The following PRKG1 variants were observed in gnomAD, a reference collection of about 807,000 sequenced individuals.
The protein encoded by PRKG1 is protein kinase cGMP-dependent 1.
In PRKG1, 35 loss-of-function variants were observed where a neutral mutation model predicts 88.1. The observed-to-expected ratio is 0.40, with a 90% CI of 0.30 to 0.53. The LOEUF (loss-of-function observed/expected upper bound fraction) is 0.53. PRKG1 is among the 20% of genes least tolerant of loss of function. The pLI is 0.59. For synonymous variants in PRKG1, 303 were observed against 292.5 expected (o/e 1.04, Z -0.37); for missense variants, 540 against 839.8 (o/e 0.64, Z 4.41).
chr10:51,407,581 G>A (rs1206492884), intron 2 of PRKG1, among the ~76,000 whole-genome samples: 1 of 152,194 alleles, frequency 6.6e-6, no homozygotes, highest in African/African-American at 2.4e-5. Flanking sequence ...GGATGGTATT[G>A]AGGGTTACCT....
chr10:51,425,318 A>G (rs293328), intron 2 of PRKG1, among the ~76,000 whole-genome samples: 123,650 of 152,160 alleles, frequency 0.81, 50,590 homozygotes, highest in Non-Finnish European at 0.85. Flanking sequence ...TGTGAAGAAA[A>G]TGTGTACACA....
chr10:51,385,834 A>G (rs1837235178), intron 2 of PRKG1, among the ~76,000 whole-genome samples: 1 of 152,216 alleles, frequency 6.6e-6, no homozygotes, highest in Admixed American at 6.5e-5. Flanking sequence ...AAAAGAAGCC[A>G]CAGGGATTAT....
At chr10:51,585,825 G>A (rs1838158199) in intron 3 of PRKG1, among the ~76,000 whole-genome samples, 2 of 152,150 alleles carry the variant, frequency 1.3e-5, no homozygotes, top group African/African-American at 4.8e-5. Flanking sequence ...GCAGCAACGT[G>A]AATGGAGCTG....
At chr10:51,288,939 TA>T (rs1266063562) in intron 2 of PRKG1, among the ~76,000 whole-genome samples, 2 of 152,128 alleles carry the variant, frequency 1.3e-5, no homozygotes, top group Admixed American at 6.6e-5. Flanking sequence ...GTATGATATG[TA>T]AAATTATATA....
At chr10:51,029,358 C>G (rs1355592314) in intron 1 of PRKG1, among the ~76,000 whole-genome samples, 1 of 152,184 alleles carries the variant, frequency 6.6e-6, no homozygotes, top group East Asian at 1.9e-4. Flanking sequence ...TAGAAAGAAG[C>G]TCCTCATCTT....
chr10:51,427,968 G>A (rs1838639826), intron 2 of PRKG1, among the ~76,000 whole-genome samples: 1 of 152,138 alleles, frequency 6.6e-6, no homozygotes, highest in African/African-American at 2.4e-5. Flanking sequence ...GGAATCCATG[G>A]AGTGGAACAA....
In PRKG1 at chr10:52,288,716, A is replaced by G. The variant is rs1842174694; in HGVS notation, c.1710-10A>G. 6.4e-7 allele frequency: 1 copy of G among 1,571,598 alleles called. No homozygotes were observed. Among genetic ancestry groups the G allele is most frequent in the African/African-American group, 1.4e-5 (1 of 72,304 alleles). ...AGTAATATCTCTTGTCGTGTCTCTC[A>G]TTCTTGCAGCCCACCTTTCTCAGGC... On this transcript the variant is annotated splice_polypyrimidine_tract_variant and intron_variant, in intron 14 of 17. Transcript: ENST00000373980.
intron 4 of PRKG1, among the ~76,000 whole-genome samples, chr10:51,840,517 T>TTTTATTTATTTATTTA (rs66516508): frequency 7.2e-6 from 1 of 139,804 alleles, no homozygotes. Context: ...GAACCCTCTA[T>TTTTATTTATTTATTTA]TTTATTTATT....
In PRKG1 at chr10:51,074,620, G is replaced by T. The variant is rs768867882; in HGVS notation, c.30G>T (p.Ala10=). 1.9e-5 allele frequency: 31 copies of T among 1,613,510 alleles called. No individual in the cohort carries two copies. Among genetic ancestry groups the T allele is most frequent in the Non-Finnish European group, 2.5e-5 (30 of 1,179,594 alleles). Residue 10 remains alanine, a synonymous_variant, in exon 1 of 18, where the codon GCG becomes GCT. Transcript: ENST00000373980. MGTLRDLQY[A]LQEKIEELRQ... ...GCACCTTGCGGGATTTACAGTACGCGCTCCAGGAGAAGATCGAGGAGCTGA... is the reference window on the plus strand; with the variant it reads ...GCACCTTGCGGGATTTACAGTACGCTCTCCAGGAGAAGATCGAGGAGCTGA...
intron 4 of PRKG1, among the ~76,000 whole-genome samples, chr10:51,837,242 G>A (rs1346796069): frequency 6.6e-6 from 1 of 152,072 alleles, no homozygotes; most frequent in East Asian, 1.9e-4. Context: ...GCTTTGATAT[G>A]GTAGTTAGTA....
chr10:51,284,896 C>CTTT (rs537910719), intron 2 of PRKG1, among the ~76,000 whole-genome samples: 13 of 47,856 alleles, frequency 2.7e-4, no homozygotes, highest in African/African-American at 7.9e-4. Context: ...TTAAGCTATT[C>CTTT]TTTTTTTTTT....
intron 5 of PRKG1, among the ~76,000 whole-genome samples, chr10:51,935,779 C>A (rs1361136879): frequency 6.6e-6 from 1 of 152,064 alleles, no homozygotes; most frequent in Admixed American, 6.6e-5. Context: ...TATATTGTCA[C>A]CTTTACAAGC....
At chr10:51,286,623 A>G (rs1246609702) in intron 2 of PRKG1, among the ~76,000 whole-genome samples, 1 of 152,172 alleles carries the variant, frequency 6.6e-6, no homozygotes, top group East Asian at 1.9e-4. Flanking sequence ...GTACTTATTT[A>G]TGAGGTAAAT....
At chr10:51,275,205 A>G (rs1284220784) in intron 2 of PRKG1, among the ~76,000 whole-genome samples, 1 of 152,220 alleles carries the variant, frequency 6.6e-6, no homozygotes, top group Non-Finnish European at 1.5e-5. Flanking sequence ...TTTTTCCCAC[A>G]TTATAAAGTT....
chr10:52,172,487 G>A (rs1233963250), intron 9 of PRKG1, among the ~76,000 whole-genome samples: 6 of 152,142 alleles, frequency 3.9e-5, no homozygotes, highest in Non-Finnish European at 8.8e-5. Context: ...CCAGAGAACA[G>A]CCCGATACAT....
intron 3 of PRKG1, among the ~76,000 whole-genome samples, chr10:51,533,510 C>G (rs533267662): frequency 3.3e-5 from 5 of 151,730 alleles, no homozygotes; most frequent in Non-Finnish European, 5.9e-5. Context: ...CTGATATCAA[C>G]TTAATTTCGT....
chr10:51,434,210 G>T (rs775693714), intron 2 of PRKG1, among the ~76,000 whole-genome samples: 2 of 152,056 alleles, frequency 1.3e-5, no homozygotes, highest in Non-Finnish European at 2.9e-5. Flanking sequence ...AAGGCAGTGC[G>T]CCTTCAAATC....
chr10:51,919,710 C>T (rs1842422553), intron 5 of PRKG1, among the ~76,000 whole-genome samples: 1 of 151,712 alleles, frequency 6.6e-6, no homozygotes, highest in South Asian at 2.1e-4. Flanking sequence ...CTGACTAATT[C>T]TACTCTATCC....
chr10:51,045,961 A>G (rs539086829), intron 1 of PRKG1, among the ~76,000 whole-genome samples: 1 of 152,342 alleles, frequency 6.6e-6, no homozygotes, highest in Admixed American at 6.5e-5. Flanking sequence ...GTTGTAAAAC[A>G]CCATATGGCC....
Sources: gnomAD v4.1 joint callset for allele counts (sites outside exome capture counted in the v4.1 genomes callset) on GRCh38, gnomAD v4.1.1 for gene constraint, MANE v1.5 for transcripts, NCBI Gene and HGNC (gene_info 2026-07-23, HGNC 2026-07-21) for gene names.